THRB: variants seen among roughly 807,000 people sequenced by gnomAD.
THRB encodes the protein thyroid hormone receptor beta, also known as nuclear receptor subfamily 1 group A member 2.
In THRB, 12 loss-of-function variants were observed where a neutral mutation model predicts 47.8. That is an observed-to-expected ratio of 0.25 (90% confidence interval 0.16 to 0.41). The LOEUF (loss-of-function observed/expected upper bound fraction) is 0.41. THRB is among the 10% of genes least tolerant of loss of function. THRB has a pLI of 1.00. For missense variants in THRB, 348 were observed against 589.2 expected, an observed-to-expected ratio of 0.59 and a Z score of 4.24; for synonymous variants, 218 against 212.2, an observed-to-expected ratio of 1.03 and a Z score of -0.24.
chr3:24,127,691 C>A lies in THRB; in HGVS notation c.952G>T (p.Ala318Ser). 1 of 1,614,210 alleles carries A rather than the reference C, an allele frequency of 6.2e-7. No individual in the cohort carries two copies. ...TCACTTTCTGGGTCATAGCGCACAG[C>A]AGCGCGAAGGGACATGATCTCCATG... Reference protein sequence around the residue: ...CCMEIMSLRAAVRYDPESETL... With the variant: ...CCMEIMSLRASVRYDPESETL... The change falls in exon 10 of 11, where the codon GCT becomes TCT. Residue 318 changes from alanine (A) to serine (S), a missense_variant. Physicochemically the swap from Ala to Ser is moderately conservative, Grantham distance 99 (BLOSUM62 1). Transcript: ENST00000646209.
intron 2 of THRB, among the ~76,000 whole-genome samples, chr3:24,328,246 A>T (rs972842709): frequency 6.6e-6 from 1 of 152,216 alleles, no homozygotes; most frequent in Non-Finnish European, 1.5e-5. Flanking sequence ...TTTTAGAAAC[A>T]CTTCTTACGG....
chr3:24,319,511 G>T (rs1202469884), intron 2 of THRB, among the ~76,000 whole-genome samples: 1 of 152,184 alleles, frequency 6.6e-6, no homozygotes, highest in Non-Finnish European at 1.5e-5. Flanking sequence ...TTCAAGAACA[G>T]ATAAAAACAT....
At chr3:24,477,007 A>ATTTTTTTTTT (rs558247174) in intron 1 of THRB, among the ~76,000 whole-genome samples, 1 of 126,490 alleles carries the variant, frequency 7.9e-6, no homozygotes, top group African/African-American at 3.1e-5. Flanking sequence ...GGTTTTCAAG[A>ATTTTTTTTTT]TTTTTTTTTT....
At position 24,390,797 on chromosome 3, in the gene THRB, A is replaced by AAAATATAT. The variant is rs5847290; in HGVS notation, c.-260-53427_-260-53426insATATATTT. ...ATCTTTACTTTGTAAAAAAAAAAAA[A>AAAATATAT]ATATATATATATATATAATATTATT... On this transcript the variant is annotated intron_variant, in intron 1 of 10. Transcript: ENST00000646209. Among the ~76,000 whole-genome samples, 45 of 137,850 alleles carry AAAATATAT rather than the reference A, an allele frequency of 3.3e-4. 1 individual carries two copies. The highest frequency in any genetic ancestry group is 1.2e-3 in the African/African-American group (45 of 37,046). The allele number at this position is 137,850 out of a possible 152,430, so 90.4% of individuals were successfully genotyped here.
chr3:24,428,244 C>T (rs1305501349), intron 1 of THRB, among the ~76,000 whole-genome samples: 1 of 152,016 alleles, frequency 6.6e-6, no homozygotes, highest in Admixed American at 6.6e-5. Context: ...TTATTGAGTA[C>T]CTACTATGTG....
At position 24,269,593 on chromosome 3, in the gene THRB, TTTTTAA is replaced by T. The variant is rs1258595352; in HGVS notation, c.-43+27627_-43+27632del. ...GGTGTGTGCCACTACACCTGGATAATTTTTAATTTTTTTTTTTTTTTTTGTAGAGAC... is the reference window on the plus strand; with the variant it reads ...GGTGTGTGCCACTACACCTGGATAATTTTTTTTTTTTTTTTTTGTAGAGAC... On this transcript the variant is annotated intron_variant, in intron 3 of 10. Coordinates refer to ENST00000646209, the MANE Select transcript of THRB (RefSeq NM_001354712.2). Among the ~76,000 whole-genome samples, 3 of 114,990 alleles carry T rather than the reference TTTTTAA, an allele frequency of 2.6e-5. No homozygotes were observed. The Admixed American group carries it at 2.7e-4, about 10-fold the overall frequency. 75.4% of individuals were successfully genotyped at this position (114,990 alleles called of 152,430 possible).
At chr3:24,342,133 G>C (rs533052442) in intron 1 of THRB, among the ~76,000 whole-genome samples, 1 of 139,082 alleles carries the variant, frequency 7.2e-6, no homozygotes, top group Non-Finnish European at 1.5e-5. Flanking sequence ...AACTGATAGA[G>C]GGCTTATCCC....
chr3:24,445,836 G>A (rs761370395), intron 1 of THRB, among the ~76,000 whole-genome samples: 3 of 152,164 alleles, frequency 2.0e-5, no homozygotes, highest in Non-Finnish European at 2.9e-5. Context: ...CTAGGCAGAA[G>A]CATAAACATT....
intron 1 of THRB, among the ~76,000 whole-genome samples, chr3:24,384,036 A>G (rs774788141): frequency 1.3e-5 from 2 of 152,130 alleles, no homozygotes; most frequent in Non-Finnish European, 2.9e-5. Flanking sequence ...CTTACCGGCT[A>G]GTATCTTTTG....
chr3:24,188,942 C>T (rs969246660), intron 5 of THRB, among the ~76,000 whole-genome samples: 1 of 144,334 alleles, frequency 6.9e-6, no homozygotes, highest in Non-Finnish European at 1.5e-5. Context: ...GTTTTGACTG[C>T]ACTCAAATCA....
At chr3:24,299,802 T>TTA (rs1363344985) in intron 2 of THRB, among the ~76,000 whole-genome samples, 2 of 132,998 alleles carry the variant, frequency 1.5e-5, no homozygotes, top group African/African-American at 5.7e-5. Context: ...TTTTTTTTTT[T>TTA]AGCAAACATA....
At position 24,378,822 on chromosome 3, in the gene THRB, T is replaced by A. The variant is rs544761142; in HGVS notation, c.-260-41451A>T. On this transcript the variant is annotated intron_variant, in intron 1 of 10. Coordinates refer to ENST00000646209, the MANE Select transcript of THRB (RefSeq NM_001354712.2). The stretch of plus-strand genomic sequence containing the variant: ...TTTTACTCTATCAATTTTATTCTCA[T>A]GTATCTTTTGATAAAGAATATTAGG... Among the ~76,000 whole-genome samples the A allele has an allele frequency of 3.3e-5, 5 of 152,300 alleles. No homozygotes were observed. In the East Asian group the frequency reaches 9.6e-4, roughly 29 times the overall value.
chr3:24,199,812 A>C (rs2044385149), intron 4 of THRB, among the ~76,000 whole-genome samples: 1 of 152,194 alleles, frequency 6.6e-6, no homozygotes, highest in African/African-American at 2.4e-5. Context: ...CGTGTGTTCA[A>C]AGACCATGGT....
intron 3 of THRB, among the ~76,000 whole-genome samples, chr3:24,292,047 GAAAAAAGAGT>G (rs761565524): frequency 7.2e-5 from 11 of 151,964 alleles, no homozygotes; most frequent in Non-Finnish European, 8.8e-5. Context: ...TGGCTGTTGA[GAAAAAAGAGT>G]AACATAAAGT....
intron 9 of THRB, among the ~76,000 whole-genome samples, chr3:24,128,245 G>A (rs1339188539): frequency 6.6e-6 from 1 of 152,160 alleles, no homozygotes; most frequent in African/African-American, 2.4e-5. Context: ...TAGCCTCTTG[G>A]CACAAAGCTA....
chr3:24,179,639 C>T (rs1050880795), intron 5 of THRB, among the ~76,000 whole-genome samples: 5 of 152,122 alleles, frequency 3.3e-5, no homozygotes, highest in African/African-American at 9.7e-5. Flanking sequence ...ACTTAGTGGT[C>T]CTTTGCCACC....
intron 1 of THRB, among the ~76,000 whole-genome samples, chr3:24,374,574 A>G (rs2065145240): frequency 6.6e-6 from 1 of 152,148 alleles, no homozygotes; most frequent in Non-Finnish European, 1.5e-5. Context: ...AAATATCTTT[A>G]AAATATTCAA....
chr3:24,125,460 T>TA (rs1363772766), intron 10 of THRB, among the ~76,000 whole-genome samples: 1 of 152,180 alleles, frequency 6.6e-6, no homozygotes, highest in African/African-American at 2.4e-5. Flanking sequence ...AAATCTCAGC[T>TA]AAAAAAATTA....
intron 4 of THRB, among the ~76,000 whole-genome samples, chr3:24,215,453 C>A (rs183013270): frequency 2.6e-3 from 393 of 152,314 alleles, no homozygotes; most frequent in Non-Finnish European, 4.0e-3. Context: ...CCAACTCCAA[C>A]AGCAACCAGG....
Sources: allele counts gnomAD v4.1 joint callset (sites outside exome capture counted in the v4.1 genomes callset), GRCh38; gene constraint gnomAD v4.1.1; transcripts MANE v1.5; gene names NCBI Gene and HGNC (gene_info 2026-07-23, HGNC 2026-07-21).